Variants in KATNAL1 observed in about 807,000 individuals in gnomAD.
KATNAL1 encodes the protein katanin catalytic subunit A1 like 1, also known as katanin p60 ATPase-containing subunit A-like 1.
KATNAL1 carries 32 observed loss-of-function variants against 55.2 expected under a neutral mutation model. That is an observed-to-expected ratio of 0.58 (90% CI 0.44 to 0.78). The LOEUF is 0.78. Among genes scored for constraint, KATNAL1 ranks in the 30% least tolerant of loss-of-function variants. The pLI is 0.00. For synonymous variants in KATNAL1, 193 were observed against 193.6 expected (o/e 1.00, Z 0.02); for missense variants, 466 against 600.9 (o/e 0.78, Z 2.35).
chr13:30,294,264 A>G (rs1372053503), intron 1 of KATNAL1, among the ~76,000 whole-genome samples: 1 of 152,182 alleles, frequency 6.6e-6, no homozygotes, highest in Non-Finnish European at 1.5e-5. Flanking sequence ...CTCTCGTGCC[A>G]AAGAGCCAAG....
At chr13:30,245,249 C>T (rs1877670689) in intron 4 of KATNAL1, among the ~76,000 whole-genome samples, 1 of 152,174 alleles carries the variant, frequency 6.6e-6, no homozygotes, top group African/African-American at 2.4e-5. Flanking sequence ...GCTAGTTCAA[C>T]ATACGCAAAT....
chr13:30,250,454 T>C (rs745427718), intron 4 of KATNAL1, among the ~76,000 whole-genome samples: 10 of 152,226 alleles, frequency 6.6e-5, no homozygotes, highest in Non-Finnish European at 1.5e-4. Flanking sequence ...TAGTTACTAA[T>C]ATACACCACT....
intron 3 of KATNAL1, among the ~76,000 whole-genome samples, chr13:30,266,809 T>C (rs960552299): frequency 6.6e-6 from 1 of 152,168 alleles, no homozygotes; most frequent in African/African-American, 2.4e-5. Context: ...ACCAAGGTAA[T>C]AGTAAACCAG....
At chr13:30,236,651 C>A (rs1362328223) in intron 6 of KATNAL1, among the ~76,000 whole-genome samples, 1 of 152,210 alleles carries the variant, frequency 6.6e-6, no homozygotes, top group Non-Finnish European at 1.5e-5. Flanking sequence ...GAAAAGAGAT[C>A]TTCCTACACT....
chr13:30,260,679 A>G (rs1879208267), intron 3 of KATNAL1, among the ~76,000 whole-genome samples: 2 of 151,920 alleles, frequency 1.3e-5, no homozygotes, highest in Non-Finnish European at 2.9e-5. Flanking sequence ...AAAAAAGGAT[A>G]AAAAGAAATG....
At chr13:30,226,316 A>G (rs918841390) in intron 9 of KATNAL1, among the ~76,000 whole-genome samples, 2 of 152,234 alleles carry the variant, frequency 1.3e-5, no homozygotes, top group Non-Finnish European at 2.9e-5. Context: ...TAAAAAAGAT[A>G]CGTACCAGAA....
chr13:30,307,089 C>T (rs767607678), intron 1 of KATNAL1: 1 of 152,218 alleles, frequency 6.6e-6, no homozygotes, highest in Non-Finnish European at 1.5e-5. Context: ...TTGTAGTTCG[C>T]CAGTCCGAGC....
At chr13:30,215,292 T>A (rs1874102008) in intron 9 of KATNAL1, among the ~76,000 whole-genome samples, 2 of 152,034 alleles carry the variant, frequency 1.3e-5, no homozygotes, top group Non-Finnish European at 1.5e-5. Context: ...CTGGAGAGGA[T>A]GTGGAGAAAT....
intron 9 of KATNAL1, among the ~76,000 whole-genome samples, chr13:30,214,282 G>C (rs865949527): frequency 0.015 from 2,330 of 152,150 alleles, 26 homozygotes; most frequent in Admixed American, 0.02. Context: ...AGGATACAAA[G>C]AAATGGAAGA....
chr13:30,227,032 T>C (rs567197013), intron 9 of KATNAL1, among the ~76,000 whole-genome samples: 155 of 152,182 alleles, frequency 1.0e-3, no homozygotes, highest in African/African-American at 3.5e-3. Flanking sequence ...CCTGAGATCA[T>C]GCCTCTGCAC....
chr13:30,253,736 G>A (rs1878547937), intron 4 of KATNAL1, among the ~76,000 whole-genome samples: 1 of 151,740 alleles, frequency 6.6e-6, no homozygotes, highest in African/African-American at 2.4e-5. Context: ...TTGCTTAAGA[G>A]TCACATTTAA....
intron 9 of KATNAL1, among the ~76,000 whole-genome samples, chr13:30,217,043 C>G (rs780963839): frequency 3.4e-5 from 5 of 148,790 alleles, no homozygotes; most frequent in Non-Finnish European, 7.5e-5. Context: ...TAGCAGAAAG[C>G]ATATTCTGTT....
intron 1 of KATNAL1, chr13:30,296,304 C>G: frequency 8.3e-7 from 1 of 1,208,338 alleles, no homozygotes; most frequent in Non-Finnish European, 1.2e-6. Context: ...GTGTGCCCCA[C>G]GGAGATCACT....
At position 30,240,566 on chromosome 13, in the gene KATNAL1, C is replaced by T. The variant is rs1318235667; in HGVS notation, c.621-1G>A. 1 of 1,604,728 alleles carries T rather than the reference C, an allele frequency of 6.2e-7. No homozygotes were observed. Among genetic ancestry groups the T allele is most frequent in the East Asian group, 2.2e-5 (1 of 44,796 alleles). ...TTCTTCCAGATCTGCTATGTCATCC[C>T]TTTGAAAGAACAGCAAACTTTCATA... On this transcript the variant is annotated splice_acceptor_variant, in intron 5 of 10. Transcript: ENST00000380615. LOFTEE classifies it high-confidence loss of function.
At chr13:30,263,224 A>G (rs1327494788) in intron 3 of KATNAL1, among the ~76,000 whole-genome samples, 1 of 152,222 alleles carries the variant, frequency 6.6e-6, no homozygotes, top group African/African-American at 2.4e-5. Context: ...GTATCTCAAA[A>G]TAATAAGAGC....
chr13:30,255,377 A>G (rs1388158571), intron 4 of KATNAL1, 70 bp downstream of exon 4: 4 of 1,289,682 alleles, frequency 3.1e-6, no homozygotes, highest in African/African-American at 3.1e-5. Context: ...TGAAAAGCCA[A>G]CAAAAATCAT....
intron 1 of KATNAL1, among the ~76,000 whole-genome samples, chr13:30,289,984 CAT>C (rs1281907866): frequency 6.6e-5 from 10 of 152,204 alleles, no homozygotes; most frequent in African/African-American, 1.2e-4. Flanking sequence ...TTAATTTCCA[CAT>C]GTCACAAAAT....
intron 3 of KATNAL1, among the ~76,000 whole-genome samples, chr13:30,263,064 T>C (rs1377780189): frequency 6.6e-5 from 10 of 152,298 alleles, no homozygotes; most frequent in Admixed American, 2.0e-4. Context: ...GCTGGTTCAA[T>C]ATACACAAAT....
chr13:30,288,533 A>G (rs754408577), intron 1 of KATNAL1, among the ~76,000 whole-genome samples: 10 of 152,230 alleles, frequency 6.6e-5, no homozygotes, highest in Non-Finnish European at 1.5e-4. Flanking sequence ...CTTGTGATTC[A>G]AAGAATAGTG....
Sources: gnomAD v4.1 joint callset for allele counts (sites outside exome capture counted in the v4.1 genomes callset) on GRCh38, gnomAD v4.1.1 for gene constraint, MANE v1.5 for transcripts, NCBI Gene and HGNC (gene_info 2026-07-23, HGNC 2026-07-21) for gene names.